Variants in GABBR2 observed in about 807,000 individuals in gnomAD.
GABBR2 encodes the protein gamma-aminobutyric acid type B receptor subunit 2, also known as G-protein coupled receptor 51.
In GABBR2, 23 loss-of-function variants were observed where a neutral mutation model predicts 105.6. The observed-to-expected ratio is 0.22, with a 90% CI of 0.16 to 0.31. GABBR2 has a LOEUF of 0.31. Ranked by LOEUF, GABBR2 falls within the 10% of genes least tolerant of loss-of-function variation. The probability of loss-of-function intolerance (pLI) is 1.00; values close to 1 mark genes in which losing one functional copy is unlikely to be tolerated. For missense variants in GABBR2, 734 were observed against 1,245.5 expected, an observed-to-expected ratio of 0.59 and a Z score of 6.18; for synonymous variants, 478 against 499.7, an observed-to-expected ratio of 0.96 and a Z score of 0.58.
chr9:98,301,631 G>A (rs996897315), intron 16 of GABBR2, among the ~76,000 whole-genome samples: 2 of 152,232 alleles, frequency 1.3e-5, no homozygotes, highest in Non-Finnish European at 2.9e-5. Flanking sequence ...GACAACAGGA[G>A]GCCAGATTGT....
At chr9:98,537,120 G>A (rs1032917120) in intron 3 of GABBR2, among the ~76,000 whole-genome samples, 3 of 152,168 alleles carry the variant, frequency 2.0e-5, no homozygotes, top group African/African-American at 7.2e-5. Context: ...CACCAGGGTC[G>A]TCCAGTGTGG....
At chr9:98,446,618 C>G (rs142044794) in intron 7 of GABBR2, among the ~76,000 whole-genome samples, 64 of 152,250 alleles carry the variant, frequency 4.2e-4, no homozygotes, top group African/African-American at 1.5e-3. Context: ...ATGTGTGATG[C>G]AATTTCACTG....
intron 13 of GABBR2, among the ~76,000 whole-genome samples, chr9:98,341,282 C>A (rs1303743196): frequency 6.6e-6 from 1 of 152,252 alleles, no homozygotes; most frequent in Non-Finnish European, 1.5e-5. Flanking sequence ...GACTGCAGAG[C>A]CGAGCCGAGG....
At chr9:98,657,201 G>A (rs1048733784) in intron 1 of GABBR2, among the ~76,000 whole-genome samples, 2 of 152,116 alleles carry the variant, frequency 1.3e-5, no homozygotes, top group African/African-American at 4.8e-5. Context: ...CCATCTTTAG[G>A]GCTTTACCCA....
intron 3 of GABBR2, among the ~76,000 whole-genome samples, chr9:98,528,906 A>G (rs1185273390): frequency 6.6e-6 from 1 of 152,230 alleles, no homozygotes; most frequent in Non-Finnish European, 1.5e-5. Context: ...TGCTATTTCT[A>G]GGAATTAACT....
rs200788626 is a variant in GABBR2 at position 98,654,883 on chromosome 9, T to C, written c.321+53534A>G. Reference sequence around the variant, plus strand: ...AGTAGGTGAATGGATAAATAAACCATGGTACATCCAGACAGTAGAATATTA... The same window carrying C: ...AGTAGGTGAATGGATAAATAAACCACGGTACATCCAGACAGTAGAATATTA... On this transcript the variant is annotated intron_variant, in intron 1 of 18. Coordinates refer to ENST00000259455, the MANE Select transcript of GABBR2 (RefSeq NM_005458.8). 7.9e-5 allele frequency among the ~76,000 whole-genome samples: 12 copies of C among 152,208 alleles called. No individual in the cohort carries two copies. In the East Asian group the frequency reaches 1.9e-3, roughly 24 times the overall value.
At chr9:98,328,133 A>G (rs569220589) in intron 13 of GABBR2, among the ~76,000 whole-genome samples, 18 of 151,766 alleles carry the variant, frequency 1.2e-4, no homozygotes, top group Middle Eastern at 3.4e-3. Flanking sequence ...ACCTGGTCCA[A>G]GGCCACCCTC....
chr9:98,564,694 C>T (rs1326928743), intron 2 of GABBR2, among the ~76,000 whole-genome samples: 1 of 152,202 alleles, frequency 6.6e-6, no homozygotes, highest in Non-Finnish European at 1.5e-5. Context: ...TGTGTCCAGT[C>T]ACAATTCCTG....
intron 4 of GABBR2, among the ~76,000 whole-genome samples, chr9:98,487,816 C>T (rs1827091031): frequency 1.3e-5 from 2 of 152,074 alleles, no homozygotes; most frequent in African/African-American, 4.8e-5. Context: ...CATCCTAATC[C>T]CCAGAACCTG....
chr9:98,396,254 G>T (rs1832288333), intron 8 of GABBR2, among the ~76,000 whole-genome samples: 1 of 152,178 alleles, frequency 6.6e-6, no homozygotes, highest in African/African-American at 2.4e-5. Context: ...GTGCAGGCGG[G>T]TCCCTTCCAG....
chr9:98,708,308 G>T, intron 1 of GABBR2, 109 bp downstream of exon 1: 1 of 1,155,254 alleles, frequency 8.7e-7, no homozygotes, highest in Non-Finnish European at 1.1e-6. Context: ...CTCGGCAGGC[G>T]CGGGCCGGTC....
chr9:98,393,745 C>T (rs376193271), intron 9 of GABBR2, among the ~76,000 whole-genome samples: 6 of 152,260 alleles, frequency 3.9e-5, no homozygotes, highest in East Asian at 1.9e-4. Context: ...TAAGGAAGAT[C>T]GCACAGAAGA....
chr9:98,297,839 T>C lies in GABBR2; in HGVS notation c.2542+1385A>G, dbSNP rs612044. Among the ~76,000 whole-genome samples the C allele has an allele frequency of 2.0e-3, 293 of 146,536 alleles. 1 individual carries two copies. Among genetic ancestry groups the C allele is most frequent in the Non-Finnish European group, 3.2e-3 (217 of 67,164 alleles). On this transcript the variant is annotated intron_variant, in intron 17 of 18. Coordinates refer to ENST00000259455, the MANE Select transcript of GABBR2 (RefSeq NM_005458.8). The stretch of plus-strand genomic sequence containing the variant: ...GAGTTCCAGACCAGCCTGGCCAACA[T>C]GGTGAAACCCTGTCTCTACTAAAAA...
At chr9:98,404,535 C>T (rs1832455489) in intron 8 of GABBR2, among the ~76,000 whole-genome samples, 1 of 152,126 alleles carries the variant, frequency 6.6e-6, no homozygotes, top group South Asian at 2.1e-4. Flanking sequence ...GCACAGCAGG[C>T]ACCACTCTTG....
chr9:98,351,472 G>A (rs1456234244), intron 13 of GABBR2, among the ~76,000 whole-genome samples: 1 of 152,194 alleles, frequency 6.6e-6, no homozygotes. Flanking sequence ...ACTCCCAGAT[G>A]TAGGAATCCC....
At chr9:98,589,591 G>A (rs1457137973) in intron 1 of GABBR2, among the ~76,000 whole-genome samples, 2 of 152,102 alleles carry the variant, frequency 1.3e-5, no homozygotes, top group Non-Finnish European at 2.9e-5. Context: ...ATGGGAAAGG[G>A]TACAAAGTAT....
chr9:98,634,333 G>A (rs748256124), intron 1 of GABBR2, among the ~76,000 whole-genome samples: 2 of 152,188 alleles, frequency 1.3e-5, no homozygotes, highest in Non-Finnish European at 2.9e-5. Context: ...TGAAATTCAC[G>A]TCCACCTGGA....
intron 1 of GABBR2, among the ~76,000 whole-genome samples, chr9:98,616,885 T>C (rs1829594113): frequency 6.6e-6 from 1 of 152,254 alleles, no homozygotes; most frequent in South Asian, 2.1e-4. Flanking sequence ...TGAATATATT[T>C]TCTACATTTT....
chr9:98,537,024 C>T (rs1828194515), intron 3 of GABBR2, among the ~76,000 whole-genome samples: 1 of 152,198 alleles, frequency 6.6e-6, no homozygotes, highest in African/African-American at 2.4e-5. Flanking sequence ...ACCCTGAGCT[C>T]CTGACTCTGA....
Sources: allele counts gnomAD v4.1 joint callset (sites outside exome capture counted in the v4.1 genomes callset), GRCh38; gene constraint gnomAD v4.1.1; transcripts MANE v1.5; gene names NCBI Gene and HGNC (gene_info 2026-07-23, HGNC 2026-07-21).